Variants in UBE2K observed in about 807,000 individuals in gnomAD.
UBE2K encodes ubiquitin-conjugating enzyme E2 K.
UBE2K carries 6 observed loss-of-function variants against 30.0 expected under a neutral mutation model. The ratio of observed to expected loss-of-function variants is 0.20; its 90% confidence interval spans 0.11 to 0.39. The LOEUF (loss-of-function observed/expected upper bound fraction) is 0.39. Among genes scored for constraint, UBE2K ranks in the 10% least tolerant of loss-of-function variants. UBE2K has a pLI of 1.00. For missense variants in UBE2K, 61 were observed against 241.6 expected, an observed-to-expected ratio of 0.25 and a Z score of 4.96; for synonymous variants, 86 against 83.7, an observed-to-expected ratio of 1.03 and a Z score of -0.15.
chr4:39,716,614 G>A (rs1340774044), intron 1 of UBE2K, among the ~76,000 whole-genome samples: 5 of 151,890 alleles, frequency 3.3e-5, no homozygotes, highest in South Asian at 2.1e-4. Flanking sequence ...TAATCCCAGC[G>A]TTTTGGACGG....
intron 5 of UBE2K, among the ~76,000 whole-genome samples, chr4:39,777,157 C>T (rs1713328640): frequency 6.6e-6 from 1 of 152,160 alleles, no homozygotes; most frequent in Non-Finnish European, 1.5e-5. Flanking sequence ...TTATAATCAT[C>T]TCAAGTTATG....
At chr4:39,724,274 A>G (rs1719603892) in intron 1 of UBE2K, among the ~76,000 whole-genome samples, 1 of 151,546 alleles carries the variant, frequency 6.6e-6, no homozygotes, top group Non-Finnish European at 1.5e-5. Context: ...CACCTGGCTA[A>G]TTTTTGTGGT....
At chr4:39,703,262 G>A (rs2109302103) in intron 1 of UBE2K, among the ~76,000 whole-genome samples, 1 of 152,184 alleles carries the variant, frequency 6.6e-6, no homozygotes, top group Admixed American at 6.5e-5. Context: ...GCTTATGCCT[G>A]TAATCTAGCA....
chr4:39,741,351 A>G (rs969548352), intron 2 of UBE2K, among the ~76,000 whole-genome samples: 3 of 152,282 alleles, frequency 2.0e-5, no homozygotes, highest in African/African-American at 7.2e-5. Context: ...TGCTTTTTAT[A>G]TATTTGAGGT....
intron 4 of UBE2K, among the ~76,000 whole-genome samples, chr4:39,765,847 C>A (rs990096673): frequency 6.6e-6 from 1 of 151,092 alleles, no homozygotes; most frequent in Non-Finnish European, 1.5e-5. Context: ...GTGGCTCTTG[C>A]CTGTAACCCC....
intron 4 of UBE2K, among the ~76,000 whole-genome samples, chr4:39,769,495 T>TA (rs919467831): frequency 1.3e-5 from 2 of 150,958 alleles, no homozygotes; most frequent in Admixed American, 1.3e-4. Flanking sequence ...CCTGGCGTCT[T>TA]ACTTTTTTCT....
intron 1 of UBE2K, among the ~76,000 whole-genome samples, chr4:39,718,981 A>G (rs577511266): frequency 2.6e-5 from 4 of 152,256 alleles, no homozygotes; most frequent in Admixed American, 6.5e-5. Flanking sequence ...GGGCTCCTCA[A>G]GTGTGGCCAG....
At chr4:39,711,912 A>C (rs760202016) in intron 1 of UBE2K, among the ~76,000 whole-genome samples, 1 of 151,632 alleles carries the variant, frequency 6.6e-6, no homozygotes, top group Non-Finnish European at 1.5e-5. Context: ...ATGGTGGTGC[A>C]TGCCTGTAAT....
intron 1 of UBE2K, among the ~76,000 whole-genome samples, chr4:39,709,686 AATACAAAGGAAT>A: frequency 6.6e-6 from 1 of 152,044 alleles, no homozygotes. Context: ...GGGATATATT[AATACAAAGGAAT>A]ATATGTGGGC....
chr4:39,774,190 G>C (rs1713131262), intron 4 of UBE2K, among the ~76,000 whole-genome samples: 1 of 151,982 alleles, frequency 6.6e-6, no homozygotes, highest in South Asian at 2.1e-4. Context: ...TGTAGTCCCA[G>C]CTACTCGTGA....
chr4:39,759,313 G>C (rs560691966), intron 4 of UBE2K, among the ~76,000 whole-genome samples: 1 of 152,142 alleles, frequency 6.6e-6, no homozygotes. Flanking sequence ...GTCTCGCTCT[G>C]TCACCCAGGC....
intron 4 of UBE2K, among the ~76,000 whole-genome samples, chr4:39,768,792 A>AC (rs1712529801): frequency 6.6e-6 from 1 of 152,062 alleles, no homozygotes; most frequent in Non-Finnish European, 1.5e-5. Flanking sequence ...ATCATCACCA[A>AC]CACTTGTTCA....
chr4:39,752,537 C>T (rs887395869), intron 3 of UBE2K, among the ~76,000 whole-genome samples: 2 of 151,870 alleles, frequency 1.3e-5, no homozygotes, highest in Admixed American at 6.6e-5. Context: ...GGGGTTTCAC[C>T]GTGTTAGCCA....
chr4:39,765,136 T>C (rs1393550899), intron 4 of UBE2K, among the ~76,000 whole-genome samples: 1 of 152,150 alleles, frequency 6.6e-6, no homozygotes, highest in East Asian at 1.9e-4. Flanking sequence ...CCGCCCGCCT[T>C]GGCCTCCCAA....
chr4:39,706,134 C>T (rs914706122), intron 1 of UBE2K, among the ~76,000 whole-genome samples: 6 of 152,088 alleles, frequency 3.9e-5, no homozygotes, highest in Non-Finnish European at 7.4e-5. Flanking sequence ...GCCTCAGCCT[C>T]CTGAGTAGCT....
chr4:39,715,612 G>C (rs1316877402), intron 1 of UBE2K, among the ~76,000 whole-genome samples: 1 of 152,096 alleles, frequency 6.6e-6, no homozygotes, highest in Non-Finnish European at 1.5e-5. Flanking sequence ...GCCTGGCCCT[G>C]TTTAATTTTA....
intron 4 of UBE2K, among the ~76,000 whole-genome samples, chr4:39,757,000 GTTTTTTT>G (rs35733561): frequency 3.2e-5 from 3 of 94,376 alleles, no homozygotes; most frequent in African/African-American, 6.2e-5. Flanking sequence ...TTTTTTGGGT[GTTTTTTT>G]TTTGTTTTTT....
intron 1 of UBE2K, among the ~76,000 whole-genome samples, chr4:39,713,674 T>C (rs1007212650): frequency 2.0e-5 from 3 of 152,106 alleles, no homozygotes; most frequent in African/African-American, 7.2e-5. Flanking sequence ...CTTTTCATCT[T>C]GCAAAATTGA....
chr4:39,753,819 A>C (rs1261998471), intron 3 of UBE2K, among the ~76,000 whole-genome samples: 3 of 152,166 alleles, frequency 2.0e-5, no homozygotes, highest in Non-Finnish European at 2.9e-5. Flanking sequence ...GTCTAAGGCC[A>C]GGTTAAGAGT....
Sources: gnomAD v4.1 joint callset for allele counts (sites outside exome capture counted in the v4.1 genomes callset) on GRCh38, gnomAD v4.1.1 for gene constraint, MANE v1.5 for transcripts, NCBI Gene and HGNC (gene_info 2026-07-23, HGNC 2026-07-21) for gene names.